ADCY2: variants seen among roughly 807,000 people sequenced by gnomAD.
The protein encoded by ADCY2 is adenylate cyclase 2, also known as adenylate cyclase type 2.
In ADCY2, 31 loss-of-function variants were observed where a neutral mutation model predicts 125.2. That is an observed-to-expected ratio of 0.25 (90% CI 0.19 to 0.33). The LOEUF (loss-of-function observed/expected upper bound fraction) is 0.33. Among genes scored for constraint, ADCY2 ranks in the 10% least tolerant of loss-of-function variants. ADCY2 has a pLI of 1.00. For synonymous variants in ADCY2, 512 were observed against 548.4 expected (o/e 0.93, Z 0.93); for missense variants, 904 against 1,418.2 (o/e 0.64, Z 5.82).
At chr5:7,500,380 C>A (rs1435595899) in intron 2 of ADCY2, among the ~76,000 whole-genome samples, 1 of 152,122 alleles carries the variant, frequency 6.6e-6, no homozygotes, top group Non-Finnish European at 1.5e-5. Flanking sequence ...AACTTACTAC[C>A]AAAGAGTACA....
chr5:7,603,802 T>C (rs1737307111), intron 3 of ADCY2, among the ~76,000 whole-genome samples: 3 of 143,822 alleles, frequency 2.1e-5, no homozygotes, highest in African/African-American at 8.2e-5. Context: ...TTTTTTTTTT[T>C]TTTTTTTCTT....
At chr5:7,511,745 C>A (rs1339602121) in intron 2 of ADCY2, among the ~76,000 whole-genome samples, 2 of 151,962 alleles carry the variant, frequency 1.3e-5, no homozygotes, top group Non-Finnish European at 2.9e-5. Flanking sequence ...GGCAGAAAAA[C>A]AACCACTGCA....
At chr5:7,707,314 T>G (rs1741295811) in intron 8 of ADCY2, among the ~76,000 whole-genome samples, 1 of 152,202 alleles carries the variant, frequency 6.6e-6, no homozygotes, top group Admixed American at 6.5e-5. Flanking sequence ...AGAGAATCTT[T>G]ATCAAGGGCT....
intron 2 of ADCY2, among the ~76,000 whole-genome samples, chr5:7,484,873 T>G (rs1485527060): frequency 1.3e-5 from 2 of 152,178 alleles, no homozygotes; most frequent in Non-Finnish European, 2.9e-5. Flanking sequence ...AGACCCGATT[T>G]CCCATAAACT....
At chr5:7,541,914 A>G (rs1379880639) in intron 3 of ADCY2, among the ~76,000 whole-genome samples, 1 of 152,244 alleles carries the variant, frequency 6.6e-6, no homozygotes, top group African/African-American at 2.4e-5. Context: ...AAATGCAACT[A>G]TTTCCACGAA....
intron 14 of ADCY2, among the ~76,000 whole-genome samples, chr5:7,731,940 T>C (rs1014151420): frequency 2.0e-5 from 3 of 152,208 alleles, no homozygotes; most frequent in Non-Finnish European, 4.4e-5. Flanking sequence ...TTAGGGTTGA[T>C]AAATATGTGA....
chr5:7,748,659 C>G (rs1193252346), intron 15 of ADCY2, among the ~76,000 whole-genome samples: 1 of 152,046 alleles, frequency 6.6e-6, no homozygotes, highest in African/African-American at 2.4e-5. Flanking sequence ...TCTGCAAAGG[C>G]TTCCTATCCT....
At chr5:7,406,338 A>G (rs2126308257) in intron 1 of ADCY2, among the ~76,000 whole-genome samples, 1 of 152,284 alleles carries the variant, frequency 6.6e-6, no homozygotes, top group Middle Eastern at 3.4e-3. Context: ...GGCTTCTGTG[A>G]TCTGGAGACC....
At chr5:7,699,246 C>T (rs920075639) in intron 7 of ADCY2, among the ~76,000 whole-genome samples, 10 of 149,676 alleles carry the variant, frequency 6.7e-5, no homozygotes, top group Non-Finnish European at 1.3e-4. Context: ...TACAGGCGCC[C>T]GCCACTACGC....
At chr5:7,789,175 A>G (rs1744175460) in intron 19 of ADCY2, among the ~76,000 whole-genome samples, 1 of 152,250 alleles carries the variant, frequency 6.6e-6, no homozygotes, top group East Asian at 1.9e-4. Flanking sequence ...TTACATAATT[A>G]TACAATTTGT....
chr5:7,805,031 C>A (rs1744713092), intron 22 of ADCY2, among the ~76,000 whole-genome samples: 1 of 152,084 alleles, frequency 6.6e-6, no homozygotes, highest in Admixed American at 6.5e-5. Flanking sequence ...AGAATATAGT[C>A]AAGGCCGTGT....
intron 2 of ADCY2, among the ~76,000 whole-genome samples, chr5:7,449,762 C>G (rs1225498793): frequency 1.3e-5 from 2 of 152,188 alleles, no homozygotes. Context: ...TTTGGCAACC[C>G]TGTGTCAACA....
chr5:7,589,286 C>A (rs1294384989), intron 3 of ADCY2, among the ~76,000 whole-genome samples: 2 of 150,540 alleles, frequency 1.3e-5, no homozygotes, highest in Non-Finnish European at 3.0e-5. Context: ...ACACTGTAAC[C>A]AACAACAACA....
chr5:7,666,237 A>G (rs2126699024), intron 4 of ADCY2, among the ~76,000 whole-genome samples: 1 of 152,042 alleles, frequency 6.6e-6, no homozygotes, highest in African/African-American at 2.4e-5. Context: ...TAAAGAGGCC[A>G]TTTCCTAGGC....
chr5:7,475,288 G>A (rs1742480122), intron 2 of ADCY2, among the ~76,000 whole-genome samples: 1 of 152,208 alleles, frequency 6.6e-6, no homozygotes, highest in African/African-American at 2.4e-5. Flanking sequence ...TCTCCTCTGA[G>A]GGGTCACTGT....
At chr5:7,439,242 A>C (rs186091043) in intron 2 of ADCY2, among the ~76,000 whole-genome samples, 2 of 152,176 alleles carry the variant, frequency 1.3e-5, no homozygotes, top group Non-Finnish European at 2.9e-5. Context: ...AAAGAGGTTT[A>C]ATTGACTCAC....
chr5:7,712,336 C>A (rs1478452631), intron 10 of ADCY2, among the ~76,000 whole-genome samples: 1 of 152,212 alleles, frequency 6.6e-6, no homozygotes, highest in Non-Finnish European at 1.5e-5. Context: ...TACCAGCGCT[C>A]CTTTGCCGAT....
intron 11 of ADCY2, among the ~76,000 whole-genome samples, chr5:7,713,346 T>G (rs1442210667): frequency 6.6e-6 from 1 of 151,840 alleles, no homozygotes; most frequent in East Asian, 1.9e-4. Context: ...CAAAAAAAAT[T>G]AGCTGGGTGT....
intron 2 of ADCY2, among the ~76,000 whole-genome samples, chr5:7,507,461 A>AT (rs374187517): frequency 0.15 from 16,849 of 113,890 alleles, 3,163 homozygotes; most frequent in South Asian, 0.19. Flanking sequence ...AAAAAAAAAA[A>AT]GGTAACAAAG....
Sources: gnomAD v4.1 joint callset for allele counts (sites outside exome capture counted in the v4.1 genomes callset) on GRCh38, gnomAD v4.1.1 for gene constraint, MANE v1.5 for transcripts, NCBI Gene and HGNC (gene_info 2026-07-23, HGNC 2026-07-21) for gene names.